Variants in ABCA12 observed in about 807,000 individuals in gnomAD.
ABCA12 encodes the protein ATP binding cassette subfamily A member 12.
A neutral mutation model predicts 293.5 loss-of-function variants in ABCA12; 156 were observed. The observed-to-expected ratio is 0.53, with a 90% CI of 0.47 to 0.61. The LOEUF is 0.61. ABCA12 is among the 20% of genes least tolerant of loss of function. The probability of loss-of-function intolerance (pLI) is 0.00; values close to 1 mark genes in which losing one functional copy is unlikely to be tolerated. For missense variants in ABCA12, 2,797 were observed against 3,090.2 expected (o/e 0.91, Z 2.25); for synonymous variants, 1,063 against 1,108.0 (o/e 0.96, Z 0.81).
intron 27 of ABCA12, among the ~76,000 whole-genome samples, chr2:214,987,119 G>A (rs888369583): frequency 3.3e-5 from 5 of 152,236 alleles, no homozygotes; most frequent in African/African-American, 1.2e-4. Flanking sequence ...AAGACTAGTT[G>A]AGATTGTGGT....
rs558608203 is a variant in ABCA12, at chr2:215,049,938, A to G, written c.508-127T>C. The G allele has an allele frequency of 2.0e-5, 16 of 796,342 alleles. No individual in the cohort carries two copies. In the South Asian group the frequency reaches 2.2e-4, roughly 11 times the overall value. 49.3% of individuals were successfully genotyped at this position (796,342 alleles called of 1,614,324 possible). ...TTTGAGGTCCTCCATTATAGCAGCT[A>G]TTAAAATAACAATAAAGTAGATAGA... On this transcript the variant is annotated intron_variant, in intron 5 of 52. Coordinates refer to ENST00000272895, the MANE Select transcript of ABCA12 (RefSeq NM_173076.3).
At chr2:214,966,808 G>C (rs1376864906) in intron 39 of ABCA12, 40 bp downstream of exon 39, 1 of 1,570,486 alleles carries the variant, frequency 6.4e-7, no homozygotes, top group South Asian at 1.1e-5. Context: ...AAGAGTAACA[G>C]AAGTTGCAAT....
At chr2:215,107,634 C>T (rs182349110) in intron 2 of ABCA12, among the ~76,000 whole-genome samples, 14 of 152,256 alleles carry the variant, frequency 9.2e-5, no homozygotes, top group South Asian at 2.1e-4. Flanking sequence ...AGCTGGTTCC[C>T]GCTCATCAAA....
At chr2:214,997,101 C>T (rs1192444881) in intron 23 of ABCA12, among the ~76,000 whole-genome samples, 2 of 152,204 alleles carry the variant, frequency 1.3e-5, no homozygotes, top group African/African-American at 4.8e-5. Flanking sequence ...AGAGGTCATG[C>T]ATCACACTCC....
intron 39 of ABCA12, among the ~76,000 whole-genome samples, chr2:214,963,874 C>T (rs188151814): frequency 2.1e-4 from 29 of 141,362 alleles, no homozygotes; most frequent in Admixed American, 7.5e-4. Context: ...GAGCTGAGAT[C>T]GTGCCACTGC....
chr2:215,114,057 C>A (rs1702636109), intron 1 of ABCA12, among the ~76,000 whole-genome samples: 1 of 152,180 alleles, frequency 6.6e-6, no homozygotes, highest in Non-Finnish European at 1.5e-5. Flanking sequence ...TCACTGCAAC[C>A]TCCGCCTCCT....
intron 37 of ABCA12, among the ~76,000 whole-genome samples, chr2:214,969,937 C>T (rs1213438204): frequency 1.3e-5 from 2 of 151,892 alleles, no homozygotes. Context: ...CATATTGGAA[C>T]TGAGGCCAAT....
At chr2:215,028,641 A>T (rs1700804511) in intron 9 of ABCA12, among the ~76,000 whole-genome samples, 1 of 152,232 alleles carries the variant, frequency 6.6e-6, no homozygotes, top group South Asian at 2.1e-4. Context: ...TCTGTCCTAA[A>T]TAAAATAAAC....
At chr2:214,937,785 G>T (rs762798079) in intron 50 of ABCA12, among the ~76,000 whole-genome samples, 170 bp from the exon 51 acceptor site, 1 of 152,100 alleles carries the variant, frequency 6.6e-6, no homozygotes, top group Admixed American at 6.5e-5. Flanking sequence ...ACTGGAAATA[G>T]TGCACTGCTA....
chr2:214,939,772 T>C (rs1183017330), intron 50 of ABCA12, among the ~76,000 whole-genome samples: 4 of 152,216 alleles, frequency 2.6e-5, no homozygotes, highest in Non-Finnish European at 4.4e-5. Context: ...TTGTCTATTA[T>C]TGGTGTATAG....
chr2:215,126,592 G>A (rs534952270), intron 1 of ABCA12, among the ~76,000 whole-genome samples: 2 of 152,240 alleles, frequency 1.3e-5, no homozygotes, highest in East Asian at 3.9e-4. Context: ...GTGCAGAAAG[G>A]TGTTCATAGT....
At chr2:214,996,920 C>G (rs1700047393) in intron 23 of ABCA12, among the ~76,000 whole-genome samples, 1 of 152,156 alleles carries the variant, frequency 6.6e-6, no homozygotes, top group Non-Finnish European at 1.5e-5. Context: ...AAATGTTTCA[C>G]CTTTGTTTCC....
rs954904157 is a variant in ABCA12, at chr2:214,978,607, A to T, written c.4978-141T>A. The T allele has an allele frequency of 8.6e-6, 10 of 1,164,596 alleles. No individual in the cohort carries two copies. The Admixed American group carries it at 1.0e-4, about 12-fold the overall frequency. The allele number at this position is 1,164,596 out of a possible 1,614,324, so 72.1% of individuals were successfully genotyped here. A position where few individuals can be genotyped will look rare whatever the true frequency, so the allele number is the denominator to read the frequency against. ...TCTGACTTCAAGTGAATATTTCTGT[A>T]TGTAAAAGATACGTGCTGTCTAGCT... On this transcript the variant is annotated intron_variant, in intron 32 of 52. Coordinates refer to ENST00000272895, the MANE Select transcript of ABCA12 (RefSeq NM_173076.3).
chr2:215,017,069 T>C (rs1343654060), intron 14 of ABCA12, among the ~76,000 whole-genome samples: 1 of 152,212 alleles, frequency 6.6e-6, no homozygotes, highest in Non-Finnish European at 1.5e-5. Context: ...TATTTACTAG[T>C]ACAGTAAAGG....
chr2:215,018,202 CAT>C lies in ABCA12; in HGVS notation c.1658-72_1658-71del, dbSNP rs1574987185. 7.0e-6 allele frequency: 11 copies of C among 1,561,314 alleles called. No individual in the cohort carries two copies. In the East Asian group the frequency reaches 2.5e-4, roughly 36 times the overall value. On this transcript the variant is annotated intron_variant, in intron 13 of 52. Transcript: ENST00000272895. ...AGGTCACTCTTTTTAGTATGACTAA[CAT>C]AGAGAAACCTTCTAGACTAAGACAT... is the stretch of plus-strand genomic sequence containing the variant.
At chr2:215,035,485 T>C (rs892627560) in intron 8 of ABCA12, among the ~76,000 whole-genome samples, 2 of 151,706 alleles carry the variant, frequency 1.3e-5, no homozygotes, top group African/African-American at 4.8e-5. Flanking sequence ...CTGTTCAAGA[T>C]GGTGAAACCC....
intron 49 of ABCA12, among the ~76,000 whole-genome samples, chr2:214,944,602 A>C (rs1453536527): frequency 6.6e-6 from 1 of 151,834 alleles, no homozygotes; most frequent in Non-Finnish European, 1.5e-5. Context: ...TAGAATGGAG[A>C]GCCTTGCATG....
intron 44 of ABCA12, among the ~76,000 whole-genome samples, chr2:214,951,633 T>G (rs1200730590): frequency 6.6e-6 from 1 of 152,160 alleles, no homozygotes; most frequent in Non-Finnish European, 1.5e-5. Flanking sequence ...GGTGCACACC[T>G]GTAGTCCCAG....
intron 37 of ABCA12, 96 bp from the exon 38 acceptor site, chr2:214,968,903 T>A (rs1699326417): frequency 1.0e-6 from 1 of 979,482 alleles, no homozygotes; most frequent in Non-Finnish European, 1.6e-6. Flanking sequence ...TTTTTGTTTC[T>A]GTTAGGAACA....
Sources: gnomAD v4.1 joint callset for allele counts (sites outside exome capture counted in the v4.1 genomes callset) on GRCh38, gnomAD v4.1.1 for gene constraint, MANE v1.5 for transcripts, NCBI Gene and HGNC (gene_info 2026-07-23, HGNC 2026-07-21) for gene names.